PTPRK: variants seen among roughly 807,000 people sequenced by gnomAD.
PTPRK encodes the protein protein tyrosine phosphatase receptor type K.
In PTPRK, 75 loss-of-function variants were observed where a neutral mutation model predicts 178.0. The ratio of observed to expected loss-of-function variants is 0.42; its 90% CI spans 0.35 to 0.51. PTPRK has a LOEUF of 0.51. PTPRK is among the 20% of genes least tolerant of loss of function. The pLI is 0.02. For synonymous variants in PTPRK, 637 were observed against 620.6 expected (o/e 1.03, Z -0.39); for missense variants, 1,441 against 1,797.8 (o/e 0.80, Z 3.59).
intron 27 of PTPRK, among the ~76,000 whole-genome samples, chr6:127,975,142 A>C (rs1375324691): frequency 6.6e-6 from 1 of 152,216 alleles, no homozygotes; most frequent in Non-Finnish European, 1.5e-5. Context: ...GAGGCAGTTC[A>C]ATAAGTAAGC....
chr6:128,497,144 C>A (rs949409337), intron 1 of PTPRK, among the ~76,000 whole-genome samples: 1 of 152,118 alleles, frequency 6.6e-6, no homozygotes, highest in Non-Finnish European at 1.5e-5. Context: ...ATACTACCAG[C>A]AAGTGTTCAC....
In PTPRK at chr6:127,992,647, T is replaced by A. The variant is rs768014786; in HGVS notation, c.2881+26A>T. The A allele has an allele frequency of 2.5e-6, 4 of 1,574,708 alleles. No individual in the cohort carries two copies. In the African/African-American group the frequency reaches 5.5e-5, roughly 22 times the overall value. ...TGAATAAGCAAGTTTGTTTTTTCTA[T>A]AACATTTAACAAGGCAAAGTTTTAC... On this transcript the variant is annotated intron_variant, in intron 19 of 29. Transcript: ENST00000368226.
intron 1 of PTPRK, among the ~76,000 whole-genome samples, chr6:128,516,041 T>C (rs1410309213): frequency 1.3e-5 from 2 of 152,200 alleles, no homozygotes; most frequent in African/African-American, 2.4e-5. Context: ...GGTGGGAATG[T>C]TGGCATTAGC....
chr6:128,415,781 T>A (rs924636006), intron 1 of PTPRK, among the ~76,000 whole-genome samples: 9 of 152,216 alleles, frequency 5.9e-5, no homozygotes, highest in Non-Finnish European at 1.2e-4. Context: ...CACAGTAATC[T>A]GTTTGAAACC....
chr6:128,396,987 G>C (rs1840395689), intron 2 of PTPRK, among the ~76,000 whole-genome samples: 1 of 152,130 alleles, frequency 6.6e-6, no homozygotes, highest in Non-Finnish European at 1.5e-5. Context: ...GACAGAGTGA[G>C]ACTCCATATC....
At chr6:128,288,138 C>T (rs1224062067) in intron 3 of PTPRK, among the ~76,000 whole-genome samples, 1 of 152,160 alleles carries the variant, frequency 6.6e-6, no homozygotes, top group African/African-American at 2.4e-5. Context: ...CTTCTTGACA[C>T]TTGACTACAC....
intron 2 of PTPRK, among the ~76,000 whole-genome samples, chr6:128,350,884 A>G (rs1225219089): frequency 6.6e-6 from 1 of 152,216 alleles, no homozygotes; most frequent in Non-Finnish European, 1.5e-5. Flanking sequence ...GTTTAATGTC[A>G]TACTCTTAGC....
Position 128,040,138 on chromosome 6 carries a change from C to T in PTPRK, c.2194+24620G>A, listed in dbSNP as rs75274862. Among the ~76,000 whole-genome samples, 1,439 of 152,250 alleles carry T rather than the reference C, an allele frequency of 9.5e-3. 7 individuals carry two copies. Among genetic ancestry groups the T allele is most frequent in the Non-Finnish European group, 0.017 (1,123 of 68,000 alleles). On this transcript the variant is annotated intron_variant, in intron 13 of 29. Coordinates refer to ENST00000368226, the MANE Select transcript of PTPRK (RefSeq NM_002844.4). ...TCTTAGGAACTTCAATTTTTATCCT[C>T]TGTTTTCCTTCTCTCTATTAACATT...
chr6:128,233,344 G>T (rs921969899), intron 5 of PTPRK, among the ~76,000 whole-genome samples: 2 of 152,194 alleles, frequency 1.3e-5, no homozygotes, highest in Non-Finnish European at 2.9e-5. Flanking sequence ...CCACTACCAT[G>T]TGGTGATGTT....
chr6:128,104,849 CA>C (rs1789417829), intron 7 of PTPRK, among the ~76,000 whole-genome samples: 1 of 151,964 alleles, frequency 6.6e-6, no homozygotes, highest in Non-Finnish European at 1.5e-5. Context: ...ACAAAAATGT[CA>C]AATTACTTGG....
intron 7 of PTPRK, among the ~76,000 whole-genome samples, chr6:128,113,770 T>C (rs1049644456): frequency 9.9e-5 from 15 of 152,212 alleles, no homozygotes; most frequent in Non-Finnish European, 1.9e-4. Flanking sequence ...AGTAAACAAA[T>C]GCTTCTGTGT....
chr6:128,009,240 G>A lies in PTPRK; in HGVS notation c.2223C>T (p.Ile741=). ...KAAATEEPEV[I]PDPAKQTDRV... ...TGTCTGTCTGCTTGGCGGGATCTGG[G>A]ATCACTTCTGGTTCTTCTGTTGCTG... Residue 741 remains isoleucine, a synonymous_variant, in exon 14 of 30, where the codon ATC becomes ATT. Transcript: ENST00000368226. The A allele has an allele frequency of 6.2e-7, 1 of 1,607,964 alleles. No individual in the cohort carries two copies. Among genetic ancestry groups the A allele is most frequent in the Non-Finnish European group, 8.5e-7 (1 of 1,176,604 alleles).
At chr6:128,114,344 G>A (rs564629515) in intron 7 of PTPRK, among the ~76,000 whole-genome samples, 11 of 152,068 alleles carry the variant, frequency 7.2e-5, no homozygotes, top group South Asian at 2.1e-4. Context: ...TTGGCCAGGC[G>A]TGGTGGCTCA....
At chr6:128,323,392 CT>C (rs899547045) in intron 2 of PTPRK, among the ~76,000 whole-genome samples, 3 of 152,012 alleles carry the variant, frequency 2.0e-5, no homozygotes, top group Non-Finnish European at 4.4e-5. Context: ...TGTAAAATAT[CT>C]TTTTTCTTTG....
intron 1 of PTPRK, among the ~76,000 whole-genome samples, chr6:128,506,659 CAAAAAAAA>C (rs60473661): frequency 3.8e-5 from 2 of 53,094 alleles, no homozygotes; most frequent in African/African-American, 6.8e-5. Flanking sequence ...AACTCTGTCT[CAAAAAAAA>C]AAAAAAAAAA....
At chr6:128,473,301 GT>G (rs1850945228) in intron 1 of PTPRK, among the ~76,000 whole-genome samples, 1 of 151,352 alleles carries the variant, frequency 6.6e-6, no homozygotes, top group African/African-American at 2.4e-5. Context: ...TACAAAAGTG[GT>G]TTTGTGTTCT....
rs1190674998 is a variant in PTPRK, at chr6:128,120,253, A to C, written c.1163-30261T>G. Among the ~76,000 whole-genome samples, 6 of 151,930 alleles carry C rather than the reference A, an allele frequency of 3.9e-5. No individual in the cohort carries two copies. In the East Asian group the frequency reaches 1.2e-3, roughly 29 times the overall value. ...TAGAATTGATATTATATTACTACTA[A>C]TAATTTTGGTGTTTCAAATAATATG... On this transcript the variant is annotated intron_variant, in intron 7 of 29. Transcript: ENST00000368226.
At chr6:128,264,296 C>T (rs925265910) in intron 3 of PTPRK, among the ~76,000 whole-genome samples, 12 of 151,938 alleles carry the variant, frequency 7.9e-5, no homozygotes. Context: ...GAAGAACAGC[C>T]CACTATTTTA....
intron 7 of PTPRK, among the ~76,000 whole-genome samples, chr6:128,161,162 T>C (rs1275237018): frequency 6.6e-6 from 1 of 151,766 alleles, no homozygotes; most frequent in African/African-American, 2.4e-5. Context: ...AGCTTATATT[T>C]TGAAACAATT....
Sources: gnomAD v4.1 joint callset for allele counts (sites outside exome capture counted in the v4.1 genomes callset) on GRCh38, gnomAD v4.1.1 for gene constraint, MANE v1.5 for transcripts, NCBI Gene and HGNC (gene_info 2026-07-23, HGNC 2026-07-21) for gene names.